The following RFT1 variants were observed in gnomAD, a reference collection of about 807,000 sequenced individuals.
The protein encoded by RFT1 is RFT1 glycolipid translocator homolog.
Under a neutral mutation model 62.2 loss-of-function variants are expected in RFT1, and 43 were observed. The ratio of observed to expected loss-of-function variants is 0.69; its 90% confidence interval spans 0.54 to 0.89. RFT1 has a LOEUF of 0.89. Among genes scored for constraint, RFT1 ranks in the 40% least tolerant of loss-of-function variants. The pLI, the probability that RFT1 is intolerant of heterozygous loss-of-function variation, is 0.00. For synonymous variants in RFT1, 262 were observed against 264.6 expected (o/e 0.99, Z 0.10); for missense variants, 605 against 649.9 (o/e 0.93, Z 0.75).
the RFT1 span, among the ~76,000 whole-genome samples, chr3:53,068,825 A>T: frequency 3.3e-5 from 5 of 152,256 alleles, no homozygotes; most frequent in African/African-American, 1.2e-4. Flanking sequence ...TAGAAATCAT[A>T]CTTCAAGTAT....
At chr3:53,128,248 A>C (rs2107178297) in intron 1 of RFT1, among the ~76,000 whole-genome samples, 1 of 152,278 alleles carries the variant, frequency 6.6e-6, no homozygotes, top group Admixed American at 6.5e-5. Flanking sequence ...CAGTGAGCCG[A>C]GATAGTGCCA....
chr3:53,069,127 A>G, the RFT1 span, among the ~76,000 whole-genome samples: 4 of 152,142 alleles, frequency 2.6e-5, no homozygotes, highest in South Asian at 2.1e-4. Context: ...TTTAGTAGAA[A>G]CGGGGTTTCA....
the RFT1 span, among the ~76,000 whole-genome samples, chr3:53,067,102 C>T: frequency 2.0e-5 from 3 of 152,112 alleles, no homozygotes; most frequent in Non-Finnish European, 2.9e-5. Flanking sequence ...CCGAGGCGGG[C>T]GGAGCGCTTG....
rs1362417455 is a variant in RFT1, at chr3:53,130,370, C to G, written c.31G>C (p.Ala11Pro). Residue 11 changes from alanine to proline, a missense_variant, in exon 1 of 13, where the codon GCC (alanine) becomes CCC (proline). Physicochemically the swap from Ala to Pro is conservative, Grantham distance 27. Transcript: ENST00000296292. ...AGGAGACCGGAGGAGGCCAGCCGGG[C>G]CGCGTGGCCCAGCACCTCCTGGCTG... MGSQEVLGHA[A>P]RLASSGLLLQ... 6.4e-7 allele frequency: 1 copy of G among 1,564,934 alleles called. No individual in the cohort carries two copies. The highest frequency in any genetic ancestry group is 8.7e-7 in the Non-Finnish European group (1 of 1,155,048).
At chr3:53,121,669 A>G (rs1489794060) in intron 5 of RFT1, 30 bp downstream of exon 5, 4 of 1,524,252 alleles carry the variant, frequency 2.6e-6, no homozygotes, top group Non-Finnish European at 3.6e-6. Context: ...AACAAAGATC[A>G]TATAAAAAGT....
chr3:53,083,321 G>A, the RFT1 span, among the ~76,000 whole-genome samples: 1 of 149,980 alleles, frequency 6.7e-6, no homozygotes, highest in Admixed American at 6.7e-5. Flanking sequence ...AGACCAGTCT[G>A]GGCAACATAG....
At chr3:53,107,385 C>T (rs571358241) in intron 7 of RFT1, among the ~76,000 whole-genome samples, 1 of 152,214 alleles carries the variant, frequency 6.6e-6, no homozygotes, top group Admixed American at 6.5e-5. Context: ...GATCTGCCCA[C>T]CTCAGCCTCC....
chr3:53,076,988 T>C, the RFT1 span, among the ~76,000 whole-genome samples: 50 of 150,162 alleles, frequency 3.3e-4, no homozygotes, highest in African/African-American at 1.1e-3. Flanking sequence ...TCAAAAGAAC[T>C]GAAAGCAATG....
rs377378104 is a variant in RFT1, at chr3:53,102,525, C to G, written c.1102+1428G>C. Among the ~76,000 whole-genome samples, 15 of 151,486 alleles carry G rather than the reference C, an allele frequency of 9.9e-5. 3 individuals carry two copies. The highest frequency in any genetic ancestry group is 2.6e-4 in the Admixed American group (4 of 15,250). ...AGCTAGGTGTTGTTCTGTGAGTTAC[C>G]AAGAAAAAAGAAAAGAAAAGAAAAA... is the stretch of plus-strand genomic sequence containing the variant. On this transcript the variant is annotated intron_variant, in intron 10 of 12. Transcript: ENST00000296292.
At chr3:53,103,706 G>A (rs1701380075) in intron 10 of RFT1, 3 of 517,202 alleles carry the variant, frequency 5.8e-6, no homozygotes, top group Non-Finnish European at 1.1e-5. Flanking sequence ...CAACAGCAAG[G>A]AGAAGTCCTA....
At chr3:53,072,666 G>A in the RFT1 span, among the ~76,000 whole-genome samples, 2 of 152,242 alleles carry the variant, frequency 1.3e-5, no homozygotes, top group Non-Finnish European at 2.9e-5. Flanking sequence ...AAGGCTCAGG[G>A]AGGCCATTTA....
chr3:53,091,846 C>T lies in RFT1; in HGVS notation c.*57G>A. 6.3e-7 allele frequency: 1 copy of T among 1,582,178 alleles called. No individual in the cohort carries two copies. Among genetic ancestry groups the T allele is most frequent in the Non-Finnish European group, 8.7e-7 (1 of 1,152,294 alleles). ...GGGCTCTTACACAGAATGTGTTCCA[C>T]CCACAGAACTACCCATAGCTGGTCC... On this transcript the variant is annotated 3_prime_UTR_variant, in exon 13 of 13. Transcript: ENST00000296292.
At chr3:53,107,294 C>T (rs1369070626) in intron 7 of RFT1, among the ~76,000 whole-genome samples, 1 of 152,032 alleles carries the variant, frequency 6.6e-6, no homozygotes, top group African/African-American at 2.4e-5. Context: ...CGCCACCGCA[C>T]CCGGCTAATT....
At position 53,091,878 on chromosome 3, in the gene RFT1, C is replaced by G. The variant is rs1328124867; in HGVS notation, c.*25G>C. 1 of 1,613,460 alleles carries G rather than the reference C, an allele frequency of 6.2e-7. No individual in the cohort carries two copies. Among genetic ancestry groups the G allele is most frequent in the Non-Finnish European group, 8.5e-7 (1 of 1,179,620 alleles). On this transcript the variant is annotated 3_prime_UTR_variant, in exon 13 of 13. Coordinates refer to ENST00000296292, the MANE Select transcript of RFT1 (RefSeq NM_052859.4). ...AACTACCCATAGCTGGTCCAGGTGC[C>G]TCGGGTGTCCAGGCTTCCCTGAAGT... is the stretch of plus-strand genomic sequence containing the variant.
At chr3:53,111,241 T>A (rs1701640070) in intron 7 of RFT1, among the ~76,000 whole-genome samples, 1 of 151,896 alleles carries the variant, frequency 6.6e-6, no homozygotes, top group South Asian at 2.1e-4. Context: ...CCGTCTCTAC[T>A]AAAAATACAA....
intron 5 of RFT1, among the ~76,000 whole-genome samples, chr3:53,121,133 T>C (rs1701956730): frequency 6.6e-6 from 1 of 152,260 alleles, no homozygotes; most frequent in South Asian, 2.1e-4. Context: ...GTTGTATTTT[T>C]ATTAGAACCA....
Position 53,104,170 on chromosome 3 carries a change from C to A in RFT1, c.958-73G>T, listed in dbSNP as rs768410421. On this transcript the variant is annotated intron_variant, in intron 9 of 12. Coordinates refer to ENST00000296292, the MANE Select transcript of RFT1 (RefSeq NM_052859.4). ...GAAAACCTTCATCCTTCACGTCTGG[C>A]CTTCTCCCTTCACTGTTTTACAGTT... The A allele has an allele frequency of 4.1e-4, 612 of 1,480,728 alleles. 1 individual carries two copies. Among genetic ancestry groups the A allele is most frequent in the Non-Finnish European group, 5.5e-4 (590 of 1,065,332 alleles). The allele number at this position is 1,480,728 out of a possible 1,614,324, so 91.7% of individuals were successfully genotyped here.
At chr3:53,114,352 G>GTCT (rs1701735262) in intron 6 of RFT1, among the ~76,000 whole-genome samples, 1 of 152,198 alleles carries the variant, frequency 6.6e-6, no homozygotes, top group Non-Finnish European at 1.5e-5. Flanking sequence ...GCTCTTTAAA[G>GTCT]ACAAAGTTCT....
chr3:53,110,783 A>T (rs1424786258), intron 7 of RFT1, among the ~76,000 whole-genome samples: 1 of 152,226 alleles, frequency 6.6e-6, no homozygotes, highest in Non-Finnish European at 1.5e-5. Context: ...AAAAGATTAA[A>T]AATACATTCA....
Sources: gnomAD v4.1 joint callset for allele counts (sites outside exome capture counted in the v4.1 genomes callset) on GRCh38, gnomAD v4.1.1 for gene constraint, MANE v1.5 for transcripts, NCBI Gene and HGNC (gene_info 2026-07-23, HGNC 2026-07-21) for gene names.